The following FGD4 variants were observed in gnomAD, a reference collection of about 807,000 sequenced individuals.
FGD4 encodes FYVE, RhoGEF and PH domain containing 4, also known as FYVE, RhoGEF and PH domain-containing protein 4.
Under a neutral mutation model 102.0 loss-of-function variants are expected in FGD4, and 42 were observed. The ratio of observed to expected loss-of-function variants is 0.41; its 90% CI spans 0.32 to 0.53. The LOEUF (loss-of-function observed/expected upper bound fraction) is 0.53, where lower values mean the gene tolerates loss of function less well. FGD4 is among the 20% of genes least tolerant of loss of function. The pLI is 0.21. For synonymous variants in FGD4, 380 were observed against 375.7 expected, an observed-to-expected ratio of 1.01 and a Z score of -0.13; for missense variants, 902 against 1,078.2, an observed-to-expected ratio of 0.84 and a Z score of 2.29.
At chr12:32,500,396 TATTTTATTTTA>T (rs1565779543) in intron 1 of FGD4, among the ~76,000 whole-genome samples, 1 of 14,370 alleles carries the variant, frequency 7.0e-5, no homozygotes, top group African/African-American at 2.4e-4. Flanking sequence ...ATTTTATTTT[TATTTTATTTTA>T]TTTTATTTTA....
chr12:32,620,520 C>CTTTCTTTCTTT (rs1949747434), intron 11 of FGD4, among the ~76,000 whole-genome samples: 4 of 91,128 alleles, frequency 4.4e-5, no homozygotes, highest in Admixed American at 1.4e-4. Flanking sequence ...TTTTTTCTTT[C>CTTTCTTTCTTT]TTTTTTTTTT....
chr12:32,520,658 G>A (rs1940445193), intron 1 of FGD4, among the ~76,000 whole-genome samples: 1 of 151,870 alleles, frequency 6.6e-6, no homozygotes, highest in Non-Finnish European at 1.5e-5. Flanking sequence ...GGATGGTCTC[G>A]ATCTCCTGAC....
chr12:32,438,379 A>G (rs1942304689), intron 1 of FGD4, among the ~76,000 whole-genome samples: 1 of 152,204 alleles, frequency 6.6e-6, no homozygotes, highest in Non-Finnish European at 1.5e-5. Context: ...CCGTTAAGAT[A>G]AAGTTGAAAA....
chr12:32,421,064 T>A (rs1490883698), intron 1 of FGD4, among the ~76,000 whole-genome samples: 1 of 152,126 alleles, frequency 6.6e-6, no homozygotes, highest in Non-Finnish European at 1.5e-5. Flanking sequence ...CAACCAAACA[T>A]AAGAATTTTC....
At chr12:32,597,972 C>T (rs1356073763) in intron 4 of FGD4, among the ~76,000 whole-genome samples, 3 of 152,234 alleles carry the variant, frequency 2.0e-5, no homozygotes, top group Admixed American at 6.5e-5. Flanking sequence ...AACCTCCTCC[C>T]ATCTCTGCCT....
intron 1 of FGD4, among the ~76,000 whole-genome samples, chr12:32,415,956 TG>T (rs1941397789): frequency 1.3e-5 from 2 of 152,174 alleles, no homozygotes; most frequent in African/African-American, 4.8e-5. Flanking sequence ...ATAAATGAAG[TG>T]TGTTTCTTTT....
At chr12:32,590,873 C>T (rs184951609) in intron 4 of FGD4, among the ~76,000 whole-genome samples, 372 of 152,250 alleles carry the variant, frequency 2.4e-3, no homozygotes, top group South Asian at 4.8e-3. Context: ...ATCTGCAGAA[C>T]TTTGGAATAT....
In FGD4 at chr12:32,438,853, C is replaced by G. The variant is rs563506683; in HGVS notation, c.166+38894C>G. Among the ~76,000 whole-genome samples the G allele has an allele frequency of 1.4e-4, 22 of 152,254 alleles. No homozygotes were observed. The East Asian group carries it at 3.1e-3, about 21-fold the overall frequency. ...TCGATCTCCTGACCTCGTGATCCGC[C>G]TGCCTTGGCCTCCCAAAGTGCTGGG... On this transcript the variant is annotated intron_variant, in intron 1 of 16. Transcript: ENST00000534526.
intron 14 of FGD4, among the ~76,000 whole-genome samples, chr12:32,629,637 G>C (rs972210900): frequency 7.9e-5 from 12 of 151,718 alleles, no homozygotes; most frequent in African/African-American, 2.9e-4. Flanking sequence ...TTATCTCTGT[G>C]TCTCTCTCTA....
chr12:32,444,458 G>A (rs1475824810), intron 1 of FGD4, among the ~76,000 whole-genome samples: 4 of 152,078 alleles, frequency 2.6e-5, no homozygotes, highest in African/African-American at 9.7e-5. Context: ...AGGCTGGAGT[G>A]CAGTGGTGCA....
chr12:32,595,542 T>A (rs1461292409), intron 4 of FGD4, among the ~76,000 whole-genome samples: 2 of 152,214 alleles, frequency 1.3e-5, no homozygotes, highest in Non-Finnish European at 2.9e-5. Flanking sequence ...TTTCCTCATA[T>A]CTCATTGTCT....
chr12:32,535,500 C>G (rs566400908), intron 1 of FGD4, among the ~76,000 whole-genome samples: 41 of 152,172 alleles, frequency 2.7e-4, no homozygotes, highest in Non-Finnish European at 5.7e-4. Context: ...GTTAAGCAGC[C>G]CAGTCCATGC....
At chr12:32,563,370 G>A (rs1169774844) in intron 1 of FGD4, among the ~76,000 whole-genome samples, 3 of 151,160 alleles carry the variant, frequency 2.0e-5, no homozygotes, top group Admixed American at 6.6e-5. Flanking sequence ...ACGGGGTGGC[G>A]GGGCAGAGGT....
chr12:32,473,275 G>C (rs1943476009), intron 1 of FGD4, among the ~76,000 whole-genome samples: 1 of 151,784 alleles, frequency 6.6e-6, no homozygotes, highest in Admixed American at 6.6e-5. Context: ...CACTGTGGAA[G>C]TTTTGTTCTT....
At chr12:32,407,782 G>A (rs1209686675) in intron 1 of FGD4, among the ~76,000 whole-genome samples, 2 of 152,034 alleles carry the variant, frequency 1.3e-5, no homozygotes, top group African/African-American at 2.4e-5. Flanking sequence ...TCTGAGGTGA[G>A]CTCAACCGAC....
At chr12:32,482,302 G>A (rs888127680) in intron 1 of FGD4, among the ~76,000 whole-genome samples, 1 of 152,184 alleles carries the variant, frequency 6.6e-6, no homozygotes, top group Non-Finnish European at 1.5e-5. Flanking sequence ...CAGATGGGTA[G>A]GGAAAAGAGA....
Position 32,582,043 on chromosome 12 carries a change from C to T in FGD4, c.587C>T (p.Thr196Ile). 6.2e-7 allele frequency: 1 copy of T among 1,614,202 alleles called. No homozygotes were observed. Among genetic ancestry groups the T allele is most frequent in the Non-Finnish European group, 8.5e-7 (1 of 1,180,038 alleles). The change falls in exon 4 of 17, where the codon ACA becomes ATA. Residue 196 changes from threonine to isoleucine, a missense_variant. Physicochemically the swap from Thr to Ile is moderately conservative, Grantham distance 89 (BLOSUM62 -1). This residue lies in a region of FGD4 where 443 missense variants were observed against 459.2 expected (regional missense o/e 0.96). Coordinates refer to ENST00000534526, the MANE Select transcript of FGD4 (RefSeq NM_001370298.3). ...AGAACCCCAGGAAGGCATGGATTGACAACCACACCTCAACAAAAACTCCTC... is the reference window on the plus strand; with the variant it reads ...AGAACCCCAGGAAGGCATGGATTGATAACCACACCTCAACAAAAACTCCTC... ...APRTPGRHGL[T>I]TTPQQKLLSQ... is the part of the protein sequence containing the mutation.
At chr12:32,437,347 C>T (rs1308382451) in intron 1 of FGD4, among the ~76,000 whole-genome samples, 1 of 152,134 alleles carries the variant, frequency 6.6e-6, no homozygotes, top group East Asian at 1.9e-4. Context: ...CTGGGACACC[C>T]ATAAAAGAAA....
intron 3 of FGD4, among the ~76,000 whole-genome samples, chr12:32,580,880 C>T (rs1419687083): frequency 6.8e-6 from 1 of 147,732 alleles, no homozygotes; most frequent in Non-Finnish European, 1.5e-5. Flanking sequence ...GAGTGAGACT[C>T]CGTCTCAAAA....
Sources: gnomAD v4.1 joint callset for allele counts (sites outside exome capture counted in the v4.1 genomes callset) on GRCh38, gnomAD v4.1.1 for gene constraint, gnomAD v4.1.1 regional missense constraint, MANE v1.5 for transcripts, NCBI Gene and HGNC (gene_info 2026-07-23, HGNC 2026-07-21) for gene names.